The following CALN1 variants were observed in gnomAD, a reference collection of about 807,000 sequenced individuals.
The protein encoded by CALN1 is calneuron 1.
In CALN1, 17 loss-of-function variants were observed where a neutral mutation model predicts 30.6. That is an observed-to-expected ratio of 0.56 (90% confidence interval 0.38 to 0.83). CALN1 has a LOEUF of 0.83. CALN1 is among the 40% of genes least tolerant of loss of function. The pLI is 0.00. For missense variants in CALN1, 291 were observed against 354.9 expected (o/e 0.82, Z 1.45); for synonymous variants, 156 against 131.4 (o/e 1.19, Z -1.28).
upstream of CALN1, among the ~76,000 whole-genome samples, chr7:72,416,494 G>A (rs972729765): frequency 2.0e-5 from 3 of 152,150 alleles, no homozygotes; most frequent in Non-Finnish European, 2.9e-5. Context: ...AGCGCTTTGC[G>A]AGGCTGAGAC....
At chr7:71,826,072 C>CA (rs1183696954) in intron 5 of CALN1, among the ~76,000 whole-genome samples, 1 of 97,366 alleles carries the variant, frequency 1.0e-5, no homozygotes, top group Non-Finnish European at 2.3e-5. Context: ...CAGAAAACAA[C>CA]AAAAAACCCA....
chr7:72,035,043 G>T (rs923981628), intron 4 of CALN1, among the ~76,000 whole-genome samples: 1 of 152,100 alleles, frequency 6.6e-6, no homozygotes, highest in Non-Finnish European at 1.5e-5. Context: ...TCATTGGCAC[G>T]TCTGGCAGGT....
chr7:72,197,992 C>A (rs572836666), intron 3 of CALN1, among the ~76,000 whole-genome samples: 1 of 151,504 alleles, frequency 6.6e-6, no homozygotes, highest in Non-Finnish European at 1.5e-5. Context: ...TGTAAAACTG[C>A]AGAACTCCTG....
chr7:72,476,103 C>A, the CALN1 span, among the ~76,000 whole-genome samples: 1 of 151,870 alleles, frequency 6.6e-6, no homozygotes, highest in East Asian at 1.9e-4. Flanking sequence ...CATGCACCAC[C>A]ACACCCAGCT....
chr7:72,053,431 T>C (rs969350717), intron 4 of CALN1, among the ~76,000 whole-genome samples: 17 of 152,166 alleles, frequency 1.1e-4, no homozygotes, highest in African/African-American at 2.7e-4. Context: ...TACCCAGTAA[T>C]GGGAGTGCTG....
chr7:71,815,318 C>T (rs1214796277), intron 5 of CALN1, among the ~76,000 whole-genome samples: 5 of 152,158 alleles, frequency 3.3e-5, no homozygotes, highest in Admixed American at 3.3e-4. Context: ...AGGATGATAT[C>T]TCCTTGCCTG....
chr7:72,106,038 C>G, intron 4 of CALN1, 113 bp downstream of exon 4: 3 of 1,395,556 alleles, frequency 2.1e-6, no homozygotes, highest in Non-Finnish European at 2.9e-6. Context: ...TTCTGCTTCT[C>G]AAATGTAAAC....
intron 2 of CALN1, among the ~76,000 whole-genome samples, chr7:72,348,483 T>C (rs1802758187): frequency 6.6e-6 from 1 of 152,162 alleles, no homozygotes; most frequent in Admixed American, 6.5e-5. Flanking sequence ...GATAGAAAGG[T>C]GGAAATTTTT....
At chr7:71,798,123 CAGAGAGAGAGAG>C (rs3973907) in intron 6 of CALN1, among the ~76,000 whole-genome samples, 917 of 70,970 alleles carry the variant, frequency 0.013, 8 homozygotes, top group East Asian at 0.037. Context: ...GAGACAGAGA[CAGAGAGAGAGAG>C]AGAGAGAGAG....
chr7:72,240,460 G>A (rs1307441052), intron 3 of CALN1, among the ~76,000 whole-genome samples: 2 of 152,176 alleles, frequency 1.3e-5, no homozygotes, highest in African/African-American at 2.4e-5. Context: ...CTCCCAAAGC[G>A]CTGGTGTTAC....
chr7:72,449,259 C>G (rs925138245), upstream of CALN1, among the ~76,000 whole-genome samples: 1 of 152,224 alleles, frequency 6.6e-6, no homozygotes, highest in Admixed American at 6.5e-5. Context: ...ATCTTCTTGG[C>G]AGATGCGGAC....
At chr7:72,416,723 A>G (rs1807431045), upstream of CALN1, among the ~76,000 whole-genome samples, 1 of 116,778 alleles carries the variant, frequency 8.6e-6, no homozygotes. Flanking sequence ...CGGCAAAGTG[A>G]GACTCTGTCT....
intron 3 of CALN1, among the ~76,000 whole-genome samples, chr7:72,192,140 T>C (rs749746212): frequency 1.3e-5 from 2 of 152,132 alleles, no homozygotes; most frequent in South Asian, 4.1e-4. Context: ...TCATACAGCA[T>C]TATTTACATA....
chr7:72,381,670 G>A (rs1345673943), intron 2 of CALN1, among the ~76,000 whole-genome samples: 1 of 152,132 alleles, frequency 6.6e-6, no homozygotes. Flanking sequence ...TGGAAACAGG[G>A]AGAGGAACAT....
chr7:72,338,812 C>A (rs1802248844), intron 2 of CALN1, among the ~76,000 whole-genome samples: 1 of 151,832 alleles, frequency 6.6e-6, no homozygotes, highest in Admixed American at 6.6e-5. Context: ...ACAAACAGTC[C>A]AATTACACTC....
At chr7:72,270,987 C>T (rs1796934938) in intron 3 of CALN1, among the ~76,000 whole-genome samples, 1 of 152,122 alleles carries the variant, frequency 6.6e-6, no homozygotes, top group Admixed American at 6.5e-5. Context: ...GGAAGACTTA[C>T]AGAATACGAA....
At chr7:72,464,010 G>A in the CALN1 span, among the ~76,000 whole-genome samples, 7 of 140,088 alleles carry the variant, frequency 5.0e-5, no homozygotes, top group Non-Finnish European at 1.1e-4. Flanking sequence ...GGAGGGAGGG[G>A]AAGAAAGAGA....
chr7:72,280,405 G>A (rs777412889), intron 2 of CALN1, among the ~76,000 whole-genome samples: 3 of 152,154 alleles, frequency 2.0e-5, no homozygotes, highest in Non-Finnish European at 4.4e-5. Flanking sequence ...ATTACAAAGG[G>A]TATATGCATT....
Position 72,301,311 on chromosome 7 carries a change from T to C in CALN1, c.120-22501A>G, listed in dbSNP as rs573538762. On this transcript the variant is annotated intron_variant, in intron 2 of 6. Coordinates refer to ENST00000395275, the MANE Select transcript of CALN1 (RefSeq NM_031468.4). ...GTTTCCCACCCCTAGAAAAAGATCC[T>C]CTTAAAAGCAAGCAGGCCGGGCTGG... Among the ~76,000 whole-genome samples the C allele has an allele frequency of 2.0e-5, 3 of 151,884 alleles. No individual in the cohort carries two copies. In the East Asian group the frequency reaches 5.9e-4, roughly 30 times the overall value.
Sources: allele counts gnomAD v4.1 joint callset (sites outside exome capture counted in the v4.1 genomes callset), GRCh38; gene constraint gnomAD v4.1.1; transcripts MANE v1.5; gene names NCBI Gene and HGNC (gene_info 2026-07-23, HGNC 2026-07-21).